NRXN1: variants seen among roughly 807,000 people sequenced by gnomAD.
NRXN1 encodes the protein neurexin-1.
A neutral mutation model predicts 150.9 loss-of-function variants in NRXN1; 39 were observed. That is an observed-to-expected ratio of 0.26 (90% confidence interval 0.20 to 0.34). The LOEUF (loss-of-function observed/expected upper bound fraction) is 0.34. Ranked by LOEUF, NRXN1 falls within the 10% of genes least tolerant of loss-of-function variation. NRXN1 has a pLI of 1.00. For synonymous variants in NRXN1, 924 were observed against 757.0 expected, an observed-to-expected ratio of 1.22 and a Z score of -3.62; for missense variants, 1,815 against 1,949.9, an observed-to-expected ratio of 0.93 and a Z score of 1.30.
chr2:50,779,112 T>C (rs9309198), intron 5 of NRXN1, among the ~76,000 whole-genome samples: 80,286 of 151,818 alleles, frequency 0.53, 21,570 homozygotes, highest in East Asian at 0.68. Flanking sequence ...GCCACAGTGG[T>C]TTGCTGCACC....
intron 18 of NRXN1, among the ~76,000 whole-genome samples, chr2:50,113,318 T>A (rs894891197): frequency 6.6e-6 from 1 of 152,222 alleles, no homozygotes; most frequent in African/African-American, 2.4e-5. Context: ...TGTGCATGTG[T>A]CTCTTCTGCC....
chr2:49,942,613 T>TTATTA (rs1491486406), intron 22 of NRXN1, among the ~76,000 whole-genome samples: 1 of 149,294 alleles, frequency 6.7e-6, no homozygotes, highest in African/African-American at 2.5e-5. Context: ...ATTATTATTA[T>TTATTA]TTTATTATTA....
intron 12 of NRXN1, among the ~76,000 whole-genome samples, chr2:50,516,201 A>C (rs1485290874): frequency 6.6e-6 from 1 of 152,200 alleles, no homozygotes; most frequent in Non-Finnish European, 1.5e-5. Context: ...GATGAGCCAC[A>C]TAATTTGAGA....
At chr2:50,865,721 T>C (rs1400847678) in intron 5 of NRXN1, among the ~76,000 whole-genome samples, 1 of 133,598 alleles carries the variant, frequency 7.5e-6, no homozygotes, top group African/African-American at 2.7e-5. Context: ...CACATAGTAA[T>C]TACCAGTAAA....
chr2:50,107,540 T>TATATATATATA (rs1553617159), intron 18 of NRXN1, among the ~76,000 whole-genome samples: 30 of 110,460 alleles, frequency 2.7e-4, no homozygotes, highest in South Asian at 2.1e-3. Context: ...TATATATATA[T>TATATATATATA]TTTTTTTTTT....
At chr2:50,131,858 T>C (rs1468740800) in intron 18 of NRXN1, among the ~76,000 whole-genome samples, 1 of 152,168 alleles carries the variant, frequency 6.6e-6, no homozygotes, top group Non-Finnish European at 1.5e-5. Context: ...GTTATCCTAC[T>C]GTCAGGACAA....
At chr2:50,698,092 T>C (rs1469937973) in intron 5 of NRXN1, among the ~76,000 whole-genome samples, 1 of 152,238 alleles carries the variant, frequency 6.6e-6, no homozygotes, top group Non-Finnish European at 1.5e-5. Context: ...GAATCCTCCT[T>C]CTCTCATGAG....
intron 17 of NRXN1, among the ~76,000 whole-genome samples, chr2:50,245,728 T>A (rs2066435620): frequency 6.6e-6 from 1 of 151,682 alleles, no homozygotes; most frequent in African/African-American, 2.4e-5. Context: ...TTTACTATAA[T>A]TATGGTCTAA....
chr2:49,974,004 T>C, intron 21 of NRXN1: 1 of 717,492 alleles, frequency 1.4e-6, no homozygotes. Flanking sequence ...TATCCATGTC[T>C]GTCTGGCTAC....
At chr2:50,907,139 G>T (rs150359797) in intron 5 of NRXN1, among the ~76,000 whole-genome samples, 6 of 149,816 alleles carry the variant, frequency 4.0e-5, no homozygotes, top group Admixed American at 6.7e-5. Flanking sequence ...CTATACTCTG[G>T]AGGGAAAAAT....
intron 5 of NRXN1, among the ~76,000 whole-genome samples, chr2:50,840,670 G>C (rs185718532): frequency 1.3e-5 from 2 of 152,222 alleles, no homozygotes; most frequent in South Asian, 2.1e-4. Flanking sequence ...AAAGAGAAGC[G>C]ACATGGACAA....
intron 5 of NRXN1, among the ~76,000 whole-genome samples, chr2:50,658,913 T>C (rs1032912815): frequency 2.0e-5 from 3 of 152,018 alleles, no homozygotes; most frequent in Admixed American, 6.6e-5. Flanking sequence ...AGTACAGCAC[T>C]GAAAACAGTG....
At chr2:49,995,437 GGTA>G (rs1682770577) in intron 21 of NRXN1, among the ~76,000 whole-genome samples, 1 of 152,072 alleles carries the variant, frequency 6.6e-6, no homozygotes, top group African/African-American at 2.4e-5. Context: ...TTTAAAAAGT[GGTA>G]AAGCCTACTA....
At chr2:50,175,338 T>C (rs1192957207) in intron 18 of NRXN1, 1 of 152,192 alleles carries the variant, frequency 6.6e-6, no homozygotes, top group Non-Finnish European at 1.5e-5. Flanking sequence ...AACACAAAGA[T>C]GCATTTTAAA....
intron 5 of NRXN1, among the ~76,000 whole-genome samples, chr2:50,865,383 G>A (rs1676734770): frequency 6.6e-6 from 1 of 151,962 alleles, no homozygotes; most frequent in East Asian, 1.9e-4. Flanking sequence ...AAATTAGTGT[G>A]TGTCTCTGTG....
intron 21 of NRXN1, among the ~76,000 whole-genome samples, chr2:49,966,901 G>A (rs1558601042): frequency 6.6e-6 from 1 of 151,992 alleles, no homozygotes; most frequent in East Asian, 1.9e-4. Context: ...CATTTAAAAG[G>A]GTAGAAAGAA....
At chr2:50,676,147 T>G (rs779949302) in intron 5 of NRXN1, among the ~76,000 whole-genome samples, 5 of 151,790 alleles carry the variant, frequency 3.3e-5, no homozygotes, top group African/African-American at 4.8e-5. Context: ...TTTAAAAGAG[T>G]CTGGGACCTC....
At chr2:50,265,990 TTATTA>T (rs1322027078) in intron 17 of NRXN1, among the ~76,000 whole-genome samples, 3,483 of 98,110 alleles carry the variant, frequency 0.036, 144 homozygotes, top group African/African-American at 0.13. Context: ...ATTATTATTA[TTATTA>T]TTATTTATTT....
intron 2 of NRXN1, among the ~76,000 whole-genome samples, chr2:50,943,155 G>A (rs918188274): frequency 6.6e-6 from 1 of 151,904 alleles, no homozygotes. Context: ...TGCACCTTCT[G>A]CCATGATTGA....
Sources: allele counts gnomAD v4.1 joint callset (sites outside exome capture counted in the v4.1 genomes callset), GRCh38; gene constraint gnomAD v4.1.1; transcripts MANE v1.5; gene names NCBI Gene and HGNC (gene_info 2026-07-23, HGNC 2026-07-21).